IFT81: variants seen among roughly 807,000 people sequenced by gnomAD.
IFT81 encodes intraflagellar transport protein 81 homolog.
In IFT81, 72 loss-of-function variants were observed where a neutral mutation model predicts 102.6. The ratio of observed to expected loss-of-function variants is 0.70; its 90% CI spans 0.58 to 0.85. The LOEUF (loss-of-function observed/expected upper bound fraction) is 0.85, where lower values mean the gene tolerates loss of function less well. IFT81 is among the 40% of genes least tolerant of loss of function. The pLI is 0.00. For synonymous variants in IFT81, 237 were observed against 242.7 expected (o/e 0.98, Z 0.22); for missense variants, 723 against 787.3 (o/e 0.92, Z 0.98).
chr12:110,144,699 C>T (rs1174867180), intron 9 of IFT81, among the ~76,000 whole-genome samples: 6 of 137,780 alleles, frequency 4.4e-5, no homozygotes, highest in African/African-American at 7.4e-5. Flanking sequence ...TTAGTAGAGA[C>T]GGGGTTTTGC....
Position 110,151,073 on chromosome 12 carries a change from G to A in IFT81, c.1041+4025G>A, listed in dbSNP as rs191668186. The stretch of plus-strand genomic sequence containing the variant: ...ACCCATTTAAAGTGTACACTTCAGT[G>A]GTATTTTAGTGTATTTATAGTTTGT... On this transcript the variant is annotated intron_variant, in intron 10 of 18. Coordinates refer to ENST00000242591, the MANE Select transcript of IFT81 (RefSeq NM_014055.4). Among the ~76,000 whole-genome samples, 5 of 152,060 alleles carry A rather than the reference G, an allele frequency of 3.3e-5. No individual in the cohort carries two copies. In the East Asian group the frequency reaches 9.6e-4, roughly 29 times the overall value.
Position 110,190,951 on chromosome 12 carries a change from G to C in IFT81, c.1370G>C (p.Gly457Ala), listed in dbSNP as rs1283580963. The C allele has an allele frequency of 1.9e-6, 3 of 1,598,500 alleles. No homozygotes were observed. The highest frequency in any genetic ancestry group is 2.6e-6 in the Non-Finnish European group (3 of 1,173,742). The change falls in exon 13 of 19, where the codon GGA (glycine) becomes GCA (alanine). Residue 457 changes from glycine to alanine, a missense_variant. Transcript: ENST00000242591. Reference protein sequence around the residue: ...QTMEEKKGISGYSYTQEELER... With the variant: ...QTMEEKKGISAYSYTQEELER... Reference sequence around the variant, plus strand: ...ATGGAGGAGAAAAAGGGTATATCTGGATATAGTTACACCCAAGAAGAGCTA... The same window carrying C: ...ATGGAGGAGAAAAAGGGTATATCTGCATATAGTTACACCCAAGAAGAGCTA...
chr12:110,157,990 C>CT (rs1303449508), intron 10 of IFT81, among the ~76,000 whole-genome samples: 1 of 152,084 alleles, frequency 6.6e-6, no homozygotes, highest in Non-Finnish European at 1.5e-5. Flanking sequence ...GTTTTAAAGT[C>CT]TTTATCTAGT....
intron 18 of IFT81, among the ~76,000 whole-genome samples, chr12:110,211,587 C>T (rs528260121): frequency 1.6e-4 from 25 of 151,626 alleles, no homozygotes; most frequent in Non-Finnish European, 2.8e-4. Context: ...CATATTCCTC[C>T]GACTATAGCA....
At chr12:110,197,083 T>G (rs1480831457) in intron 14 of IFT81, among the ~76,000 whole-genome samples, 1 of 151,952 alleles carries the variant, frequency 6.6e-6, no homozygotes, top group Non-Finnish European at 1.5e-5. Context: ...TCTATAGTCT[T>G]AGCTATTGGG....
Position 110,168,107 on chromosome 12 carries a change from A to G in IFT81, c.1188+5042A>G, listed in dbSNP as rs754743849. 198 of 154,506 alleles carry G rather than the reference A, an allele frequency of 1.3e-3. 1 individual carries two copies. The highest frequency in any genetic ancestry group is 1.1e-3 in the Non-Finnish European group (74 of 69,524). The allele number at this position is 154,506 out of a possible 1,614,324, so 9.6% of individuals were successfully genotyped here. A position where few individuals can be genotyped will look rare whatever the true frequency, so the allele number is the denominator to read the frequency against. ...ACTCCCGGCCTCAAGCAGTCCTCCC[A>G]CTTCGGCCTCCTGAAGTGTTAGGAT... On this transcript the variant is annotated intron_variant, in intron 11 of 18. Coordinates refer to ENST00000242591, the MANE Select transcript of IFT81 (RefSeq NM_014055.4).
At chr12:110,142,979 A>G (rs1894990158) in intron 8 of IFT81, among the ~76,000 whole-genome samples, 1 of 152,194 alleles carries the variant, frequency 6.6e-6, no homozygotes, top group Admixed American at 6.5e-5. Context: ...GATCATCTGT[A>G]TAAAAGAGCA....
chr12:110,209,613 ACAAAAAT>A (rs1869141265), intron 18 of IFT81, among the ~76,000 whole-genome samples: 1 of 152,030 alleles, frequency 6.6e-6, no homozygotes. Context: ...TATGAAAAAT[ACAAAAAT>A]TAGCCAGGCG....
At chr12:110,206,676 A>T (rs1223033694) in intron 17 of IFT81, among the ~76,000 whole-genome samples, 2 of 132,286 alleles carry the variant, frequency 1.5e-5, no homozygotes, top group African/African-American at 2.9e-5. Context: ...CTCTGTCTTT[A>T]AAAAAAAAAA....
In IFT81 at chr12:110,128,990, G is replaced by A. The variant is rs776463277; in HGVS notation, c.289G>A (p.Val97Ile). 33 of 1,613,526 alleles carry A rather than the reference G, an allele frequency of 2.0e-5. No individual in the cohort carries two copies. Among genetic ancestry groups the A allele is most frequent in the Non-Finnish European group, 2.8e-5 (33 of 1,179,818 alleles). Residue 97 changes from valine (V) to isoleucine (I), a missense_variant, in exon 4 of 19, where the codon GTA (valine) becomes ATA (isoleucine). Val to Ile is a conservative substitution (Grantham distance 29). Coordinates refer to ENST00000242591, the MANE Select transcript of IFT81 (RefSeq NM_014055.4). ...GGGTTTGGTGATTGGAAGTAAACCT[G>A]TAATTTACCCAGTGCTCCACTGGCT... ...RQGLVIGSKP[V>I]IYPVLHWLLQ...
At chr12:110,134,674 A>G (rs531613692) in intron 5 of IFT81, among the ~76,000 whole-genome samples, 1 of 152,240 alleles carries the variant, frequency 6.6e-6, no homozygotes, top group Non-Finnish European at 1.5e-5. Flanking sequence ...TTGGAATCAG[A>G]ACACAAATGT....
chr12:110,153,993 A>AT (rs1052328896), intron 10 of IFT81, among the ~76,000 whole-genome samples: 135 of 148,822 alleles, frequency 9.1e-4, no homozygotes, highest in Non-Finnish European at 1.2e-3. Flanking sequence ...TTGTTGGGAT[A>AT]TTTTTTTTTA....
chr12:110,198,350 G>A (rs1898110296), intron 14 of IFT81, among the ~76,000 whole-genome samples: 1 of 151,500 alleles, frequency 6.6e-6, no homozygotes, highest in Admixed American at 6.6e-5. Flanking sequence ...TGAAGGGTCG[G>A]CTATCAGTTT....
At chr12:110,126,408 C>T (rs550071453) in intron 1 of IFT81, among the ~76,000 whole-genome samples, 5 of 151,806 alleles carry the variant, frequency 3.3e-5, no homozygotes, top group African/African-American at 1.2e-4. Context: ...AGAAAGGTTT[C>T]CTGGGGGAGC....
At chr12:110,174,457 G>GAAAAAA in intron 11 of IFT81, among the ~76,000 whole-genome samples, 1 of 55,222 alleles carries the variant, frequency 1.8e-5, no homozygotes, top group African/African-American at 5.1e-5. Context: ...CTCCGTCTCA[G>GAAAAAA]AAAAAAAAAA....
chr12:110,153,031 T>C (rs989562736), intron 10 of IFT81, among the ~76,000 whole-genome samples: 1 of 152,202 alleles, frequency 6.6e-6, no homozygotes, highest in Non-Finnish European at 1.5e-5. Flanking sequence ...TTGTCTAATT[T>C]TTTCTTTTGT....
intron 15 of IFT81, 86 bp from the exon 16 acceptor site, chr12:110,205,357 G>A: frequency 7.2e-7 from 1 of 1,396,966 alleles, no homozygotes; most frequent in African/African-American, 1.5e-5. Flanking sequence ...TCTGATGGTA[G>A]TCCTTTGTTG....
chr12:110,156,898 C>T (rs1895870249), intron 10 of IFT81, among the ~76,000 whole-genome samples: 1 of 152,152 alleles, frequency 6.6e-6, no homozygotes. Flanking sequence ...TTTCTGGCCT[C>T]CAAAGTTTCT....
At chr12:110,196,649 A>T (rs1264050547) in intron 14 of IFT81, among the ~76,000 whole-genome samples, 1 of 152,220 alleles carries the variant, frequency 6.6e-6, no homozygotes, top group Non-Finnish European at 1.5e-5. Context: ...TAGGAGTTCA[A>T]GACCAGCCTG....
Sources: allele counts gnomAD v4.1 joint callset (sites outside exome capture counted in the v4.1 genomes callset), GRCh38; gene constraint gnomAD v4.1.1; transcripts MANE v1.5; gene names NCBI Gene and HGNC (gene_info 2026-07-23, HGNC 2026-07-21).